ZNF541: variants seen among roughly 807,000 people sequenced by gnomAD.
ZNF541 encodes zinc finger protein 541.
Under a neutral mutation model 123.5 loss-of-function variants are expected in ZNF541, and 23 were observed. The ratio of observed to expected loss-of-function variants is 0.19; its 90% CI spans 0.13 to 0.26. The LOEUF (loss-of-function observed/expected upper bound fraction) is 0.26, where lower values mean the gene tolerates loss of function less well. ZNF541 is among the 10% of genes least tolerant of loss of function. ZNF541 has a pLI of 1.00. For missense variants in ZNF541, 1,612 were observed against 1,789.9 expected (o/e 0.90, Z 1.79); for synonymous variants, 751 against 754.5 (o/e 1.00, Z 0.08).
At chr19:47,570,504 G>A (rs1971436245) in intron 2 of ZNF541, among the ~76,000 whole-genome samples, 1 of 150,060 alleles carries the variant, frequency 6.7e-6, no homozygotes, top group Non-Finnish European at 1.5e-5. Context: ...TTGAACCTGG[G>A]AGGTAGAGTT....
At chr19:47,530,959 C>A (rs549851046) in intron 12 of ZNF541, among the ~76,000 whole-genome samples, 14 of 152,226 alleles carry the variant, frequency 9.2e-5, no homozygotes, top group African/African-American at 3.4e-4. Context: ...CCAAGAATTT[C>A]AAGACAGAGA....
rs141547378 is a variant in ZNF541, at chr19:47,558,935, G to A, written c.-98-2981C>T. 5.5e-3 allele frequency among the ~76,000 whole-genome samples: 831 copies of A among 151,856 alleles called. 5 individuals carry two copies. The highest frequency in any genetic ancestry group is 9.5e-3 in the Non-Finnish European group (642 of 67,928). ...AACTTTTTGTATTTTTAGTACAGAC[G>A]GGGTTTCACCATCTTGGCGAGGCTG... On this transcript the variant is annotated intron_variant, in intron 2 of 16. Transcript: ENST00000391901.
At chr19:47,570,555 C>T (rs1307985786) in intron 2 of ZNF541, among the ~76,000 whole-genome samples, 2 of 104,688 alleles carry the variant, frequency 1.9e-5, no homozygotes, top group Non-Finnish European at 3.5e-5. Context: ...CCAGTCTGGG[C>T]GACAGAGCAA....
At chr19:47,554,950 C>T (rs530592629) in intron 3 of ZNF541, among the ~76,000 whole-genome samples, 2 of 151,632 alleles carry the variant, frequency 1.3e-5, no homozygotes, top group South Asian at 2.1e-4. Flanking sequence ...AAAAATTAGC[C>T]GGGCATGGTG....
intron 14 of ZNF541, among the ~76,000 whole-genome samples, chr19:47,528,177 T>C (rs1333276173): frequency 6.9e-6 from 1 of 144,848 alleles, no homozygotes; most frequent in Non-Finnish European, 1.5e-5. Context: ...TAGCTGGGCA[T>C]GGTGGCGCAT....
chr19:47,548,748 G>A (rs1004186007), intron 4 of ZNF541, among the ~76,000 whole-genome samples: 14 of 152,096 alleles, frequency 9.2e-5, no homozygotes, highest in African/African-American at 2.9e-4. Flanking sequence ...GGACAGCAGC[G>A]CCCACTCTCT....
At chr19:47,559,514 A>G (rs893377256) in intron 2 of ZNF541, among the ~76,000 whole-genome samples, 1 of 152,130 alleles carries the variant, frequency 6.6e-6, no homozygotes, top group Non-Finnish European at 1.5e-5. Context: ...AAACTCTGGG[A>G]AGCAGTCAAA....
chr19:47,546,102 A>C (rs1345533352), intron 4 of ZNF541, 122 bp from the exon 5 acceptor site: 1 of 839,628 alleles, frequency 1.2e-6, no homozygotes, highest in Non-Finnish European at 1.7e-6. Flanking sequence ...AATTGTACTC[A>C]GCCCCCACGA....
intron 9 of ZNF541, 118 bp from the exon 10 acceptor site, chr19:47,533,090 C>G (rs1035548870): frequency 1.1e-6 from 1 of 883,012 alleles, no homozygotes; most frequent in Non-Finnish European, 1.7e-6. Flanking sequence ...ATGGGTTGGC[C>G]GGGCACAGTG....
intron 8 of ZNF541, 171 bp from the exon 9 acceptor site, chr19:47,538,610 C>T: frequency 1.6e-6 from 1 of 627,784 alleles, no homozygotes; most frequent in Non-Finnish European, 2.6e-6. Context: ...CGTACTGAGC[C>T]TGGCGATGAT....
Position 47,544,386 on chromosome 19 carries a change from C to G in ZNF541, c.2143G>C (p.Gly715Arg). Residue 715 changes from glycine (G) to arginine (R), a missense_variant, in exon 5 of 17, where the codon GGG becomes CGG. Around this residue, in one of 5 missense-constraint regions of ZNF541, gnomAD observed 1,080 missense variants for 1,013.8 expected, o/e 1.07. Transcript: ENST00000391901. Reference sequence around the variant, plus strand: ...CCATTCTCGGCTGGGGCCTGCTTCCCTGGCAGCGAGGCTCCTGGTGGCTCC... The same window carrying G: ...CCATTCTCGGCTGGGGCCTGCTTCCGTGGCAGCGAGGCTCCTGGTGGCTCC... ...GEEPPGASLP[G>R]KQAPAENGAA... 6.4e-7 allele frequency: 1 copy of G among 1,551,646 alleles called. No homozygotes were observed.
At chr19:47,533,359 CAAAAAAAAAAAAAAAAAA>C (rs57243927) in intron 9 of ZNF541, among the ~76,000 whole-genome samples, 69 of 18,756 alleles carry the variant, frequency 3.7e-3, no homozygotes, top group African/African-American at 0.011. Context: ...GACTCCATCT[CAAAAAAAAAAAAAAAAAA>C]AAAAAAAAAA....
rs1000439402 is a variant in ZNF541 at position 47,545,744 on chromosome 19, G to A, written c.785C>T (p.Ala262Val). ...GGGCAGGAGGGAGCCGGGGGACCTG[G>A]CCTCTGGGGGCACCAGGGACCGCAG... ...SSLRSLVPPE[A>V]RSPGSLLPHR... Residue 262 changes from alanine to valine, a missense_variant, in exon 5 of 17, where the codon GCC (alanine) becomes GTC (valine). By Grantham distance (64) the Ala-to-Val change is moderately conservative. Around this residue, in one of 5 missense-constraint regions of ZNF541, gnomAD observed 1,080 missense variants for 1,013.8 expected, o/e 1.07. Transcript: ENST00000391901. The surrounding 1 kb of genome is among the most constrained non-coding windows in gnomAD (Gnocchi z 7.5). The A allele has an allele frequency of 6.5e-7, 1 of 1,544,010 alleles. No individual in the cohort carries two copies. The highest frequency in any genetic ancestry group is 1.4e-5 in the African/African-American group (1 of 72,996).
intron 2 of ZNF541, among the ~76,000 whole-genome samples, chr19:47,568,389 G>C (rs180981577): frequency 6.6e-6 from 1 of 152,084 alleles, no homozygotes. Flanking sequence ...CTGTCGCCCA[G>C]ACTGGAGTGC....
At chr19:47,558,733 C>A (rs1027968071) in intron 2 of ZNF541, among the ~76,000 whole-genome samples, 3 of 150,974 alleles carry the variant, frequency 2.0e-5, no homozygotes, top group Non-Finnish European at 4.4e-5. Flanking sequence ...GTGCCCACCA[C>A]CACGCCCAGC....
At chr19:47,569,382 TATTTCACCAATG>T (rs1330496345) in intron 2 of ZNF541, among the ~76,000 whole-genome samples, 3 of 152,166 alleles carry the variant, frequency 2.0e-5, no homozygotes, top group Non-Finnish European at 4.4e-5. Context: ...TTATTAACCC[TATTTCACCAATG>T]AGGTAAATAG....
chr19:47,545,641 C>T lies in ZNF541; in HGVS notation c.888G>A (p.Gly296=). The T allele has an allele frequency of 6.5e-7, 1 of 1,550,244 alleles. No individual in the cohort carries two copies. The highest frequency in any genetic ancestry group is 8.7e-7 in the Non-Finnish European group (1 of 1,146,810). Residue 296 remains glycine, a synonymous_variant, in exon 5 of 17, where the codon GGG becomes GGA. Coordinates refer to ENST00000391901, the MANE Select transcript of ZNF541 (RefSeq NM_001277075.3). The surrounding 1 kb of genome is among the most constrained non-coding windows in gnomAD (Gnocchi z 7.5). The part of the protein sequence containing the change: ...KTPSPGPAPA[G]ASDSEGRNTA... ...TGTTCCTCCCTTCGCTGTCTGAAGC[C>T]CCCGCCGGGGCTGGGCCAGGAGAAG...
Position 47,532,985 on chromosome 19 carries a change from G to A in ZNF541, c.3095-13C>T, listed in dbSNP as rs570554591. ...CCATCCACTTGATCTAGAAAGCACA[G>A]AGTGAAAAGGCTCAAGAAGACAGAC... On this transcript the variant is annotated splice_polypyrimidine_tract_variant and intron_variant, in intron 9 of 16. Transcript: ENST00000391901. 3 of 1,546,360 alleles carry A rather than the reference G, an allele frequency of 1.9e-6. No homozygotes were observed. The Admixed American group carries it at 5.9e-5, about 31-fold the overall frequency.
chr19:47,539,225 G>T (rs572523166), intron 8 of ZNF541, among the ~76,000 whole-genome samples: 1 of 152,012 alleles, frequency 6.6e-6, no homozygotes, highest in East Asian at 1.9e-4. Context: ...ACAGGGCCTG[G>T]CACAGAGGGG....
Sources: allele counts gnomAD v4.1 joint callset (sites outside exome capture counted in the v4.1 genomes callset), GRCh38; gene constraint gnomAD v4.1.1; regional missense constraint gnomAD v4.1.1; non-coding constraint Gnocchi (gnomAD v3.1); transcripts MANE v1.5; gene names NCBI Gene and HGNC (gene_info 2026-07-23, HGNC 2026-07-21).